The following DPYSL2 variants were observed in gnomAD, a reference collection of about 807,000 sequenced individuals.
DPYSL2 encodes dihydropyrimidinase like 2.
DPYSL2 carries 13 observed loss-of-function variants against 69.9 expected under a neutral mutation model. The observed-to-expected ratio is 0.19, with a 90% confidence interval of 0.12 to 0.30. DPYSL2 has a LOEUF of 0.30. DPYSL2 is among the 10% of genes least tolerant of loss of function. The pLI is 1.00. For missense variants in DPYSL2, 587 were observed against 918.9 expected (o/e 0.64, Z 4.67); for synonymous variants, 326 against 359.1 (o/e 0.91, Z 1.04).
rs1381709606 is a variant in DPYSL2 at position 26,640,998 on chromosome 8, C to G, written c.1127-2441C>G. ...GCACAGAGAGAAGGGGAATCCAGCTCCTCATAGAGCAGCTCCCCACCCCAA... is the reference window on the plus strand; with the variant it reads ...GCACAGAGAGAAGGGGAATCCAGCTGCTCATAGAGCAGCTCCCCACCCCAA... On this transcript the variant is annotated intron_variant, in intron 8 of 13. Transcript: ENST00000521913. This position sits in a 1 kb window ranked among gnomAD's most constrained non-coding sequence, Gnocchi z 4.2. 2.0e-5 allele frequency among the ~76,000 whole-genome samples: 3 copies of G among 152,194 alleles called. No individual in the cohort carries two copies. Among genetic ancestry groups the G allele is most frequent in the Admixed American group, 2.0e-4 (3 of 15,288 alleles).
chr8:26,654,196 A>G lies in DPYSL2; in HGVS notation c.1942+799A>G, dbSNP rs1803336103. 6.6e-6 allele frequency among the ~76,000 whole-genome samples: 1 copy of G among 152,086 alleles called. No individual in the cohort carries two copies. The highest frequency in any genetic ancestry group is 6.5e-5 in the Admixed American group (1 of 15,268). On this transcript the variant is annotated intron_variant, in intron 13 of 13. Transcript: ENST00000521913. This position sits in a 1 kb window ranked among gnomAD's most constrained non-coding sequence, Gnocchi z 5.0. ...TTGTGAGGGTTAAATGGGTTAATATATATGTACAGTGCTTAGAATGGGGCC... is the reference window on the plus strand; with the variant it reads ...TTGTGAGGGTTAAATGGGTTAATATGTATGTACAGTGCTTAGAATGGGGCC...
intron 1 of DPYSL2, among the ~76,000 whole-genome samples, chr8:26,553,399 CCA>C (rs1482814686): frequency 2.6e-5 from 4 of 152,182 alleles, no homozygotes; most frequent in Middle Eastern, 3.4e-3. Flanking sequence ...CTTAAGTAGG[CCA>C]CAGTGTCTGT....
chr8:26,579,958 C>CT (rs1383351418), intron 1 of DPYSL2, among the ~76,000 whole-genome samples: 1 of 147,478 alleles, frequency 6.8e-6, no homozygotes, highest in African/African-American at 2.6e-5. Flanking sequence ...AAGAGCGCCC[C>CT]CCCCCCCACA....
Position 26,643,663 on chromosome 8 carries a change from G to A in DPYSL2, c.1283+68G>A, listed in dbSNP as rs904077604. On this transcript the variant is annotated intron_variant, in intron 9 of 13. Coordinates refer to ENST00000521913, the MANE Select transcript of DPYSL2 (RefSeq NM_001197293.3). This position sits in a 1 kb window ranked among gnomAD's most constrained non-coding sequence, Gnocchi z 6.5. ...TTCAGACCAGACTGACCTGTTAGGC[G>A]AAAACAACATGGTGGCCAAGAGCAG... 3.1e-5 allele frequency: 50 copies of A among 1,606,170 alleles called. No homozygotes were observed. The highest frequency in any genetic ancestry group is 3.3e-4 in the Middle Eastern group (2 of 6,060).
chr8:26,555,095 A>T (rs1295858679), intron 1 of DPYSL2, among the ~76,000 whole-genome samples: 1 of 148,940 alleles, frequency 6.7e-6, no homozygotes, highest in African/African-American at 2.5e-5. Flanking sequence ...AAAGCTAAGT[A>T]TATAGGGAAA....
At chr8:26,529,277 ATCT>A (rs1407167456) in intron 1 of DPYSL2, among the ~76,000 whole-genome samples, 1 of 61,406 alleles carries the variant, frequency 1.6e-5, no homozygotes, top group Non-Finnish European at 3.5e-5. Flanking sequence ...TCTATCTATC[ATCT>A]ATCTATCTAT....
In DPYSL2 at chr8:26,650,496, C is replaced by T. The variant is rs143713773; in HGVS notation, c.1597-1761C>T. Among the ~76,000 whole-genome samples, 88 of 152,240 alleles carry T rather than the reference C, an allele frequency of 5.8e-4. No homozygotes were observed. Among genetic ancestry groups the T allele is most frequent in the African/African-American group, 2.0e-3 (83 of 41,522 alleles). On this transcript the variant is annotated intron_variant, in intron 11 of 13. Transcript: ENST00000521913. The surrounding 1 kb of genome is among the most constrained non-coding windows in gnomAD (Gnocchi z 5.3). ...TGTATTGTCATCTTCACATACACCT[C>T]GGGAGGGTGCAGATGAAGAAACTGA...
chr8:26,550,897 C>A (rs561628142), intron 1 of DPYSL2, among the ~76,000 whole-genome samples: 1 of 152,162 alleles, frequency 6.6e-6, no homozygotes, highest in Non-Finnish European at 1.5e-5. Context: ...CTGGAGAACT[C>A]AGAGTTCTGA....
chr8:26,578,990 G>A (rs560790428), intron 1 of DPYSL2, among the ~76,000 whole-genome samples: 36 of 152,326 alleles, frequency 2.4e-4, no homozygotes, highest in African/African-American at 6.0e-4. Context: ...GTAGTTCGGG[G>A]CTGGGGCCCT....
intron 1 of DPYSL2, among the ~76,000 whole-genome samples, chr8:26,552,754 T>C (rs941885538): frequency 6.6e-6 from 1 of 152,180 alleles, no homozygotes; most frequent in African/African-American, 2.4e-5. Flanking sequence ...ACCCATTAAT[T>C]GGTTAATCTG....
Position 26,643,631 on chromosome 8 carries a change from GTCTT to G in DPYSL2, c.1283+41_1283+44del. 1 of 1,614,080 alleles carries G rather than the reference GTCTT, an allele frequency of 6.2e-7. No homozygotes were observed. The highest frequency in any genetic ancestry group is 8.5e-7 in the Non-Finnish European group (1 of 1,179,970). ...GCGACTTGTTCACACTTCACATTCT[GTCTT>G]TCTTCAGACCAGACTGACCTGTTAG... On this transcript the variant is annotated intron_variant, in intron 9 of 13. Coordinates refer to ENST00000521913, the MANE Select transcript of DPYSL2 (RefSeq NM_001197293.3). This position sits in a 1 kb window ranked among gnomAD's most constrained non-coding sequence, Gnocchi z 6.5.
At chr8:26,547,873 G>T in intron 1 of DPYSL2, 2 of 298,604 alleles carry the variant, frequency 6.7e-6, no homozygotes, top group South Asian at 3.5e-5. Flanking sequence ...CAATGTGGCT[G>T]ATCTGACCTC....
In DPYSL2 at chr8:26,643,331, G is replaced by A; in HGVS notation, c.1127-108G>A. ...GATGAGCCTGATATTTCCTATAAAG[G>A]GATAGTGAGTGCACTGGGTGCTGCT... On this transcript the variant is annotated intron_variant, in intron 8 of 13. Transcript: ENST00000521913. The surrounding 1 kb of genome is among the most constrained non-coding windows in gnomAD (Gnocchi z 6.5). 1 of 1,204,546 alleles carries A rather than the reference G, an allele frequency of 8.3e-7. No individual in the cohort carries two copies. The highest frequency in any genetic ancestry group is 1.2e-6 in the Non-Finnish European group (1 of 862,078). 74.6% of individuals were successfully genotyped at this position (1,204,546 alleles called of 1,614,324 possible).
At chr8:26,634,238 C>T (rs2129939992) in intron 7 of DPYSL2, among the ~76,000 whole-genome samples, 1 of 152,246 alleles carries the variant, frequency 6.6e-6, no homozygotes, top group Non-Finnish European at 1.5e-5. Context: ...TTGCTGCCTG[C>T]ACCTGGAGAA....
At chr8:26,601,534 T>A (rs886912447) in intron 3 of DPYSL2, among the ~76,000 whole-genome samples, 1 of 152,120 alleles carries the variant, frequency 6.6e-6, no homozygotes, top group South Asian at 2.1e-4. Context: ...CCCGCCAACA[T>A]GCCCGGCTAA....
intron 3 of DPYSL2, among the ~76,000 whole-genome samples, chr8:26,613,058 G>C (rs747419135): frequency 2.0e-5 from 3 of 152,336 alleles, no homozygotes; most frequent in East Asian, 1.9e-4. Flanking sequence ...AAATGCAAAC[G>C]TGTAGGAAAT....
chr8:26,553,614 T>A lies in DPYSL2; in HGVS notation c.355-28355T>A, dbSNP rs115176275. ...TGGTATATATACACCACATTGTCTT[T>A]ATCCAATGTACAGTGGTCATTTAGG... On this transcript the variant is annotated intron_variant, in intron 1 of 13. Coordinates refer to ENST00000521913, the MANE Select transcript of DPYSL2 (RefSeq NM_001197293.3). Among the ~76,000 whole-genome samples the A allele has an allele frequency of 2.4e-3, 361 of 152,302 alleles. 2 individuals carry two copies. The highest frequency in any genetic ancestry group is 8.4e-3 in the African/African-American group (348 of 41,572).
chr8:26,518,766 C>T (rs1396247253), intron 1 of DPYSL2, among the ~76,000 whole-genome samples: 1 of 152,192 alleles, frequency 6.6e-6, no homozygotes, highest in East Asian at 1.9e-4. Context: ...TGTGTTGTAA[C>T]ATGTGACAGA....
intron 7 of DPYSL2, among the ~76,000 whole-genome samples, chr8:26,632,937 G>A (rs1394102864): frequency 1.3e-5 from 2 of 152,226 alleles, no homozygotes; most frequent in Non-Finnish European, 2.9e-5. Flanking sequence ...CATAGTTGAT[G>A]CCTGAAAGGC....
Sources: allele counts gnomAD v4.1 joint callset (sites outside exome capture counted in the v4.1 genomes callset), GRCh38; gene constraint gnomAD v4.1.1; non-coding constraint Gnocchi (gnomAD v3.1); transcripts MANE v1.5; gene names NCBI Gene and HGNC (gene_info 2026-07-23, HGNC 2026-07-21).